Variants in BCHE observed in about 807,000 individuals in gnomAD.
The protein encoded by BCHE is cholinesterase.
BCHE carries 48 observed loss-of-function variants against 51.3 expected under a neutral mutation model. That is an observed-to-expected ratio of 0.94 (90% CI 0.74 to 1.19). BCHE has a LOEUF of 1.19. BCHE is among the 50% of genes most tolerant of loss of function. The pLI is 0.00. For missense variants in BCHE, 847 were observed against 708.2 expected, an observed-to-expected ratio of 1.20 and a Z score of -2.23; for synonymous variants, 251 against 238.0, an observed-to-expected ratio of 1.05 and a Z score of -0.50.
chr3:165,781,188 T>C (rs1576835322), intron 3 of BCHE, among the ~76,000 whole-genome samples: 1 of 150,978 alleles, frequency 6.6e-6, no homozygotes, highest in African/African-American at 2.4e-5. Flanking sequence ...GAAATGGAGG[T>C]TGTGGTGAGC....
At chr3:165,776,728 C>T (rs888008961) in intron 3 of BCHE, among the ~76,000 whole-genome samples, 1 of 151,544 alleles carries the variant, frequency 6.6e-6, no homozygotes, top group Admixed American at 6.6e-5. Flanking sequence ...AATGGAAAGA[C>T]TACCATAATA....
intron 2 of BCHE, among the ~76,000 whole-genome samples, chr3:165,825,904 C>T (rs1017059968): frequency 7.9e-5 from 12 of 152,076 alleles, no homozygotes; most frequent in African/African-American, 2.9e-4. Context: ...AGATGTTTCA[C>T]ATCTATATCC....
At position 165,786,296 on chromosome 3, in the gene BCHE, A is replaced by C; in HGVS notation, c.1533T>G (p.Thr511=). The change falls in exon 3 of 4, where the codon ACT becomes ACG. Residue 511 remains threonine, a synonymous_variant. Transcript: ENST00000264381. ...CAGGCCAGCTTGTGCTATTGTTCTG[A>C]GTCTCATTTGGATTCCTAAATAATA... The part of the protein sequence containing the change: ...NFAKYGNPNE[T]QNNSTSWPVF... The C allele has an allele frequency of 6.2e-7, 1 of 1,611,256 alleles. No individual in the cohort carries two copies. Among genetic ancestry groups the C allele is most frequent in the Non-Finnish European group, 8.5e-7 (1 of 1,178,134 alleles).
chr3:165,777,907 T>A (rs867826819), intron 3 of BCHE: 12 of 279,610 alleles, frequency 4.3e-5, no homozygotes, highest in Admixed American at 1.6e-4. Flanking sequence ...TACACTAGCT[T>A]ACTTTATTAT....
At chr3:165,831,456 C>G (rs926957328) in intron 1 of BCHE, among the ~76,000 whole-genome samples, 2 of 152,090 alleles carry the variant, frequency 1.3e-5, no homozygotes, top group African/African-American at 4.8e-5. Context: ...TTCATATATT[C>G]TCTGAAATAT....
chr3:165,773,400 T>G lies in BCHE; in HGVS notation c.1791A>C (p.Glu597Asp). ...NQFNDYTSKK[E>D]SCVGL ...CTATTAATTAGAGACCCACACAACT[T>G]TCTTTCTTGCTAGTGTAATCGTTAA... The change falls in exon 4 of 4, where the codon GAA (glutamate) becomes GAC (aspartate). Residue 597 changes from glutamate (E) to aspartate (D), a missense_variant. Coordinates refer to ENST00000264381, the MANE Select transcript of BCHE (RefSeq NM_000055.4). 1 of 1,611,252 alleles carries G rather than the reference T, an allele frequency of 6.2e-7. No homozygotes were observed. The highest frequency in any genetic ancestry group is 8.5e-7 in the Non-Finnish European group (1 of 1,177,968).
chr3:165,802,017 A>G (rs1391835660), intron 2 of BCHE, among the ~76,000 whole-genome samples: 1 of 152,132 alleles, frequency 6.6e-6, no homozygotes, highest in African/African-American at 2.4e-5. Context: ...CACTGTCCCC[A>G]GCCCAAATAT....
intron 2 of BCHE, among the ~76,000 whole-genome samples, chr3:165,797,701 G>A (rs1325937769): frequency 6.6e-6 from 1 of 151,862 alleles, no homozygotes; most frequent in Non-Finnish European, 1.5e-5. Context: ...AAATTCTATC[G>A]GTTTTGCTCT....
At chr3:165,797,445 T>A (rs1486854163) in intron 2 of BCHE, among the ~76,000 whole-genome samples, 1 of 149,482 alleles carries the variant, frequency 6.7e-6, no homozygotes, top group African/African-American at 2.5e-5. Context: ...AATTTCCAAA[T>A]GTGAAGATGC....
chr3:165,781,774 T>A (rs1712713275), intron 3 of BCHE, among the ~76,000 whole-genome samples: 1 of 151,864 alleles, frequency 6.6e-6, no homozygotes, highest in Non-Finnish European at 1.5e-5. Context: ...ATAAAGAAAA[T>A]TCTGCAAAAG....
chr3:165,829,556 C>G lies in BCHE; in HGVS notation c.1478G>C (p.Arg493Thr). The change falls in exon 2 of 4, where the codon AGA (arginine) becomes ACA (threonine). Residue 493 changes from arginine (R) to threonine (T), a missense_variant. Coordinates refer to ENST00000264381, the MANE Select transcript of BCHE (RefSeq NM_000055.4). ...NYTKAEEILS[R>T]SIVKRWANFA... ...ATTTGCCCACCGTTTCACTATGGAT[C>G]TACTCAAAATTTCCTCGGCTTTTGT... is the stretch of plus-strand genomic sequence containing the variant. 1 of 1,613,752 alleles carries G rather than the reference C, an allele frequency of 6.2e-7. No individual in the cohort carries two copies. The highest frequency in any genetic ancestry group is 8.5e-7 in the Non-Finnish European group (1 of 1,179,806).
chr3:165,802,631 T>TG (rs1288456382), intron 2 of BCHE, among the ~76,000 whole-genome samples: 2 of 151,850 alleles, frequency 1.3e-5, no homozygotes, highest in Non-Finnish European at 2.9e-5. Context: ...AAAATTTGTT[T>TG]TTTTTTTTTT....
chr3:165,775,660 T>A (rs1272662898), intron 3 of BCHE, among the ~76,000 whole-genome samples: 1 of 151,826 alleles, frequency 6.6e-6, no homozygotes, highest in East Asian at 1.9e-4. Flanking sequence ...ATCACTGATT[T>A]ACATAAATTT....
At chr3:165,804,717 A>G (rs78655208) in intron 2 of BCHE, among the ~76,000 whole-genome samples, 8,054 of 152,318 alleles carry the variant, frequency 0.053, 286 homozygotes, top group Non-Finnish European at 0.079. Context: ...GAACAGGTAT[A>G]AATATCCTTT....
chr3:165,785,936 A>G (rs980871707), intron 3 of BCHE, among the ~76,000 whole-genome samples: 2 of 151,726 alleles, frequency 1.3e-5, no homozygotes, highest in Non-Finnish European at 3.0e-5. Flanking sequence ...TTATTTAACT[A>G]CTAAAGTACT....
In BCHE at chr3:165,773,372, A is replaced by T; in HGVS notation, c.*10T>A. ...AGGAAAATATGTTCTATAAAGGGTA[A>T]ATCTATTAATTAGAGACCCACACAA... On this transcript the variant is annotated 3_prime_UTR_variant, in exon 4 of 4. Transcript: ENST00000264381. The T allele has an allele frequency of 6.2e-7, 1 of 1,608,816 alleles. No homozygotes were observed. The highest frequency in any genetic ancestry group is 1.1e-5 in the South Asian group (1 of 90,780).
chr3:165,828,724 T>C (rs559290371), intron 2 of BCHE, among the ~76,000 whole-genome samples: 1 of 151,696 alleles, frequency 6.6e-6, no homozygotes, highest in Non-Finnish European at 1.5e-5. Flanking sequence ...TTTACAAATG[T>C]AGTGGGAGAA....
At chr3:165,824,449 T>C (rs115682021) in intron 2 of BCHE, among the ~76,000 whole-genome samples, 265 of 152,118 alleles carry the variant, frequency 1.7e-3, no homozygotes, top group African/African-American at 6.2e-3. Context: ...ATAGTTAATA[T>C]AGACAATACC....
intron 2 of BCHE, among the ~76,000 whole-genome samples, chr3:165,815,380 A>G (rs902269638): frequency 5.3e-5 from 8 of 151,968 alleles, no homozygotes; most frequent in Middle Eastern, 3.2e-3. Flanking sequence ...TCACACCACA[A>G]AGTTCAATTT....
Sources: gnomAD v4.1 joint callset for allele counts (sites outside exome capture counted in the v4.1 genomes callset) on GRCh38, gnomAD v4.1.1 for gene constraint, MANE v1.5 for transcripts, NCBI Gene and HGNC (gene_info 2026-07-23, HGNC 2026-07-21) for gene names.